GALNT18: variants seen among roughly 807,000 people sequenced by gnomAD.
GALNT18 encodes the protein GalNAc-transferase 18.
GALNT18 carries 44 observed loss-of-function variants against 69.5 expected under a neutral mutation model. That is an observed-to-expected ratio of 0.63 (90% CI 0.50 to 0.81). The LOEUF (loss-of-function observed/expected upper bound fraction) is 0.81, where lower values mean the gene tolerates loss of function less well. Ranked by LOEUF, GALNT18 falls within the 40% of genes least tolerant of loss-of-function variation. The pLI, the probability that GALNT18 is intolerant of heterozygous loss-of-function variation, is 0.00. For missense variants in GALNT18, 715 were observed against 810.0 expected, an observed-to-expected ratio of 0.88 and a Z score of 1.42; for synonymous variants, 364 against 318.2, an observed-to-expected ratio of 1.14 and a Z score of -1.53.
chr11:11,293,018 G>C lies in GALNT18; in HGVS notation c.1677+11C>G. ...ATGGCTGCCACTGTGCCCGGGCTCT[G>C]GGGCTGTTACCTGAGAGAACTGCCA... On this transcript the variant is annotated intron_variant, in intron 10 of 10. Coordinates refer to ENST00000227756, the MANE Select transcript of GALNT18 (RefSeq NM_198516.3). The C allele has an allele frequency of 7.3e-7, 1 of 1,361,568 alleles. No individual in the cohort carries two copies. Among genetic ancestry groups the C allele is most frequent in the Non-Finnish European group, 9.5e-7 (1 of 1,047,388 alleles). The allele number at this position is 1,361,568 out of a possible 1,614,324, so 84.3% of individuals were successfully genotyped here.
At chr11:11,516,113 C>T (rs1383108766) in intron 1 of GALNT18, among the ~76,000 whole-genome samples, 1 of 152,158 alleles carries the variant, frequency 6.6e-6, no homozygotes, top group Non-Finnish European at 1.5e-5. Context: ...GCCTTCTAGC[C>T]CCTGATCAGG....
At chr11:11,615,822 C>A (rs1384183451) in intron 1 of GALNT18, among the ~76,000 whole-genome samples, 2 of 152,168 alleles carry the variant, frequency 1.3e-5, no homozygotes, top group Non-Finnish European at 2.9e-5. Flanking sequence ...GGCCCCAGAT[C>A]AAACCTTCTA....
At chr11:11,409,902 A>C (rs1393203249) in intron 3 of GALNT18, among the ~76,000 whole-genome samples, 1 of 152,160 alleles carries the variant, frequency 6.6e-6, no homozygotes, top group African/African-American at 2.4e-5. Context: ...AGATTAATAC[A>C]CAGTGACAGG....
chr11:11,469,380 C>G lies in GALNT18; in HGVS notation c.236-20444G>C, dbSNP rs1385451056. ...CTTCACAGCAATAGACAGTCCTCGT[C>G]AAGTTTGTTGTTATGGCTATGTCTT... is the stretch of plus-strand genomic sequence containing the variant. On this transcript the variant is annotated intron_variant, in intron 1 of 10. Transcript: ENST00000227756. The surrounding 1 kb of genome is among the most constrained non-coding windows in gnomAD (Gnocchi z 4.2). Among the ~76,000 whole-genome samples, 1 of 152,172 alleles carries G rather than the reference C, an allele frequency of 6.6e-6. No individual in the cohort carries two copies. The highest frequency in any genetic ancestry group is 1.9e-4 in the East Asian group (1 of 5,194).
At chr11:11,419,491 G>A (rs1803437499) in intron 3 of GALNT18, among the ~76,000 whole-genome samples, 1 of 150,896 alleles carries the variant, frequency 6.6e-6, no homozygotes, top group South Asian at 2.1e-4. Context: ...CAGCTACTCA[G>A]GAGGCTGAGG....
chr11:11,448,984 A>G, intron 1 of GALNT18, 48 bp from the exon 2 acceptor site: 1 of 1,407,810 alleles, frequency 7.1e-7, no homozygotes, highest in Admixed American at 2.3e-5. Flanking sequence ...GCACCCCTGC[A>G]TGTGCCATGA....
Position 11,338,896 on chromosome 11 carries a change from G to A in GALNT18, c.1278+1923C>T, listed in dbSNP as rs1040729987. 2.6e-4 allele frequency among the ~76,000 whole-genome samples: 39 copies of A among 152,028 alleles called. No homozygotes were observed. Among genetic ancestry groups the A allele is most frequent in the African/African-American group, 9.4e-4 (39 of 41,380 alleles). On this transcript the variant is annotated intron_variant, in intron 7 of 10. Transcript: ENST00000227756. The surrounding 1 kb of genome is among the most constrained non-coding windows in gnomAD (Gnocchi z 5.3). ...TAAATGGAGAGAGATAAGATTCCAG[G>A]GTGTGGAATCATGGACCCAAGGAGC...
At position 11,402,911 on chromosome 11, in the gene GALNT18, T is replaced by C. The variant is rs1203892543; in HGVS notation, c.596-23647A>G. On this transcript the variant is annotated intron_variant, in intron 3 of 10. Transcript: ENST00000227756. This position sits in a 1 kb window ranked among gnomAD's most constrained non-coding sequence, Gnocchi z 4.0. ...TTTCTCTTTGGAGTTAGCACAGCTC[T>C]AGAAAGTGGGTGCTTCTTTCTTCTC... 1.3e-5 allele frequency among the ~76,000 whole-genome samples: 2 copies of C among 152,232 alleles called. No individual in the cohort carries two copies. The highest frequency in any genetic ancestry group is 4.8e-5 in the African/African-American group (2 of 41,466).
In GALNT18 at chr11:11,591,288, T is replaced by C. The variant is rs1365351867; in HGVS notation, c.235+30071A>G. Reference sequence around the variant, plus strand: ...GGCAATATTATCGTTGTGCAAACTTTATGAAGTTTGCACACTGATAATACT... The same window carrying C: ...GGCAATATTATCGTTGTGCAAACTTCATGAAGTTTGCACACTGATAATACT... On this transcript the variant is annotated intron_variant, in intron 1 of 10. Transcript: ENST00000227756. The surrounding 1 kb of genome is among the most constrained non-coding windows in gnomAD (Gnocchi z 4.8). 6.6e-6 allele frequency among the ~76,000 whole-genome samples: 1 copy of C among 152,188 alleles called. No individual in the cohort carries two copies. The highest frequency in any genetic ancestry group is 1.5e-5 in the Non-Finnish European group (1 of 68,034).
intron 1 of GALNT18, among the ~76,000 whole-genome samples, chr11:11,608,874 C>T (rs1391698310): frequency 1.3e-5 from 2 of 152,174 alleles, no homozygotes; most frequent in African/African-American, 4.8e-5. Flanking sequence ...CTTTCTTACT[C>T]CACTCCCTTA....
At position 11,387,748 on chromosome 11, in the gene GALNT18, G is replaced by A. The variant is rs747263243; in HGVS notation, c.596-8484C>T. ...AAATTAAATAAAGACAGATGTCACC[G>A]TCCGCACCTCCATGGAGAATCTGGA... On this transcript the variant is annotated intron_variant, in intron 3 of 10. Coordinates refer to ENST00000227756, the MANE Select transcript of GALNT18 (RefSeq NM_198516.3). The surrounding 1 kb of genome is among the most constrained non-coding windows in gnomAD (Gnocchi z 4.6). Among the ~76,000 whole-genome samples, 8 of 152,184 alleles carry A rather than the reference G, an allele frequency of 5.3e-5. No individual in the cohort carries two copies. Among genetic ancestry groups the A allele is most frequent in the Middle Eastern group, 3.2e-3 (1 of 316 alleles).
intron 9 of GALNT18, among the ~76,000 whole-genome samples, chr11:11,304,624 TAC>T (rs550543499): frequency 1.3e-5 from 2 of 152,212 alleles, no homozygotes; most frequent in Non-Finnish European, 2.9e-5. Flanking sequence ...ACTTCTTAAA[TAC>T]AGATTGATTT....
chr11:11,401,506 G>T (rs1031931374), intron 3 of GALNT18, among the ~76,000 whole-genome samples: 1 of 152,140 alleles, frequency 6.6e-6, no homozygotes, highest in African/African-American at 2.4e-5. Flanking sequence ...CTCCTGTAAC[G>T]CATGCAGATG....
Position 11,271,297 on chromosome 11 carries a change from G to A in GALNT18, c.1678-7C>T, listed in dbSNP as rs765810182. 5 of 1,612,404 alleles carry A rather than the reference G, an allele frequency of 3.1e-6. No individual in the cohort carries two copies. Among genetic ancestry groups the A allele is most frequent in the African/African-American group, 2.7e-5 (2 of 74,912 alleles). The stretch of plus-strand genomic sequence containing the variant: ...GGTTCTGGATGGGTCCTCCCTAGGG[G>A]CCAGGGCAGACAGTGGGGTCAGAGG... On this transcript the variant is annotated splice_polypyrimidine_tract_variant and splice_region_variant and intron_variant, in intron 10 of 10. Transcript: ENST00000227756.
intron 3 of GALNT18, among the ~76,000 whole-genome samples, chr11:11,417,991 T>C (rs1456649468): frequency 6.6e-6 from 1 of 152,268 alleles, no homozygotes; most frequent in African/African-American, 2.4e-5. Flanking sequence ...CTTAGGTTAA[T>C]ATACCAGCCT....
intron 1 of GALNT18, among the ~76,000 whole-genome samples, chr11:11,481,742 G>A (rs935178069): frequency 6.6e-6 from 1 of 152,084 alleles, no homozygotes; most frequent in Admixed American, 6.5e-5. Flanking sequence ...GGGGGGAAAC[G>A]GGCAAAGCAC....
Position 11,590,846 on chromosome 11 carries a change from G to C in GALNT18, c.235+30513C>G, listed in dbSNP as rs903333407. ...TGTAAACAAACCTACCGCACTACCG[G>C]TCATATAAAAGTATAGAACATACAA... On this transcript the variant is annotated intron_variant, in intron 1 of 10. Transcript: ENST00000227756. The surrounding 1 kb of genome is among the most constrained non-coding windows in gnomAD (Gnocchi z 4.4). 1.3e-5 allele frequency among the ~76,000 whole-genome samples: 2 copies of C among 151,934 alleles called. No homozygotes were observed. Among genetic ancestry groups the C allele is most frequent in the Non-Finnish European group, 2.9e-5 (2 of 68,014 alleles).
intron 3 of GALNT18, among the ~76,000 whole-genome samples, chr11:11,400,856 A>G (rs184904849): frequency 1.3e-5 from 2 of 151,970 alleles, no homozygotes; most frequent in Non-Finnish European, 2.9e-5. Context: ...TTTGCTGCCA[A>G]TCTCTTTCTA....
chr11:11,531,443 C>T (rs1227721656), intron 1 of GALNT18, among the ~76,000 whole-genome samples: 4 of 152,186 alleles, frequency 2.6e-5, no homozygotes, highest in African/African-American at 4.8e-5. Context: ...TAAGTGTATG[C>T]GAGTGCATAC....
Sources: allele counts gnomAD v4.1 joint callset (sites outside exome capture counted in the v4.1 genomes callset), GRCh38; gene constraint gnomAD v4.1.1; non-coding constraint Gnocchi (gnomAD v3.1); transcripts MANE v1.5; gene names NCBI Gene and HGNC (gene_info 2026-07-23, HGNC 2026-07-21).